Variants in PDE4D observed in about 807,000 individuals in gnomAD.
PDE4D encodes the protein 3',5'-cyclic-AMP phosphodiesterase 4D.
Under a neutral mutation model 87.4 loss-of-function variants are expected in PDE4D, and 24 were observed. That is an observed-to-expected ratio of 0.27 (90% confidence interval 0.20 to 0.39). The LOEUF (loss-of-function observed/expected upper bound fraction) is 0.39, where lower values mean the gene tolerates loss of function less well. Among genes scored for constraint, PDE4D ranks in the 10% least tolerant of loss-of-function variants. PDE4D has a pLI of 1.00. For missense variants in PDE4D, 714 were observed against 1,041.0 expected, an observed-to-expected ratio of 0.69 and a Z score of 4.32; for synonymous variants, 384 against 383.2, an observed-to-expected ratio of 1.00 and a Z score of -0.02.
At chr5:59,907,700 G>A (rs756251127) in intron 3 of PDE4D, among the ~76,000 whole-genome samples, 24 of 152,092 alleles carry the variant, frequency 1.6e-4, no homozygotes, top group Non-Finnish European at 2.4e-4. Flanking sequence ...ATCTTTGAGC[G>A]AAAAATGAGT....
At chr5:59,722,529 C>T (rs890747057) in intron 1 of PDE4D, among the ~76,000 whole-genome samples, 1 of 152,094 alleles carries the variant, frequency 6.6e-6, no homozygotes, top group African/African-American at 2.4e-5. Flanking sequence ...TAATTCTTTC[C>T]ATGTTCCTAT....
Position 59,343,964 on chromosome 5 carries a change from ATGT to A in PDE4D, c.456-127999_456-127997del, listed in dbSNP as rs975852751. The stretch of plus-strand genomic sequence containing the variant: ...TACCATTTGAATGCAACCTAACAAA[ATGT>A]TGTGGTCTGAGACTTCATTTATGAT... On this transcript the variant is annotated intron_variant, in intron 1 of 14. Coordinates refer to ENST00000340635, the MANE Select transcript of PDE4D (RefSeq NM_001104631.2). Among the ~76,000 whole-genome samples, 9 of 152,256 alleles carry A rather than the reference ATGT, an allele frequency of 5.9e-5. No individual in the cohort carries two copies. In the East Asian group the frequency reaches 1.2e-3, roughly 20 times the overall value.
chr5:60,415,277 G>C (rs976862757), intron 1 of PDE4D, among the ~76,000 whole-genome samples: 6 of 152,248 alleles, frequency 3.9e-5, no homozygotes, highest in African/African-American at 1.4e-4. Flanking sequence ...CACCTATTAA[G>C]AGGTGACAGC....
At chr5:60,369,346 T>A (rs1760818396) in intron 1 of PDE4D, among the ~76,000 whole-genome samples, 2 of 151,810 alleles carry the variant, frequency 1.3e-5, no homozygotes, top group African/African-American at 4.8e-5. Flanking sequence ...GAACAAGGGG[T>A]ACCATTAGCA....
At chr5:60,226,684 T>C (rs1198595765) in intron 1 of PDE4D, among the ~76,000 whole-genome samples, 1 of 152,078 alleles carries the variant, frequency 6.6e-6, no homozygotes, top group African/African-American at 2.4e-5. Flanking sequence ...GAGTTAAGGC[T>C]ACCCTAAACT....
intron 1 of PDE4D, among the ~76,000 whole-genome samples, chr5:59,277,978 T>A (rs758821473): frequency 6.6e-6 from 1 of 152,164 alleles, no homozygotes; most frequent in Non-Finnish European, 1.5e-5. Context: ...AAGTGGGGAA[T>A]CTGACAATGT....
intron 1 of PDE4D, among the ~76,000 whole-genome samples, chr5:60,197,222 A>G (rs1262737411): frequency 6.6e-6 from 1 of 151,516 alleles, no homozygotes; most frequent in Non-Finnish European, 1.5e-5. Flanking sequence ...ATCCTGCATT[A>G]TATTATGTAT....
intron 6 of PDE4D, among the ~76,000 whole-genome samples, chr5:59,038,639 A>G (rs1307826668): frequency 6.6e-6 from 1 of 152,202 alleles, no homozygotes; most frequent in African/African-American, 2.4e-5. Flanking sequence ...GGAGATACTT[A>G]AATTTAGCAC....
intron 3 of PDE4D, among the ~76,000 whole-genome samples, chr5:59,954,170 G>A (rs952654839): frequency 1.3e-5 from 2 of 152,098 alleles, no homozygotes; most frequent in Admixed American, 6.5e-5. Flanking sequence ...GTGATCCACC[G>A]GCCTCGGTCT....
intron 5 of PDE4D, among the ~76,000 whole-genome samples, chr5:59,132,514 C>A (rs1263237607): frequency 2.0e-5 from 3 of 152,174 alleles, no homozygotes; most frequent in Non-Finnish European, 2.9e-5. Context: ...ATCCAGAGGA[C>A]CTTATTCAAT....
chr5:60,514,859 A>G (rs1461036804), intron 1 of PDE4D, among the ~76,000 whole-genome samples: 1 of 152,120 alleles, frequency 6.6e-6, no homozygotes, highest in East Asian at 1.9e-4. Flanking sequence ...AAGGGGGGGA[A>G]AACAAGAAAA....
chr5:59,404,073 CA>C (rs1473546454), intron 1 of PDE4D, among the ~76,000 whole-genome samples: 1 of 152,208 alleles, frequency 6.6e-6, no homozygotes, highest in Non-Finnish European at 1.5e-5. Flanking sequence ...CACACCTTTT[CA>C]TATGACTGTT....
chr5:59,878,910 T>G (rs1336044955), intron 1 of PDE4D, among the ~76,000 whole-genome samples: 1 of 138,706 alleles, frequency 7.2e-6, no homozygotes, highest in African/African-American at 2.8e-5. Flanking sequence ...TTTTTTTTTT[T>G]TTTTTTGAGA....
intron 3 of PDE4D, among the ~76,000 whole-genome samples, chr5:59,906,322 T>C (rs899228009): frequency 1.3e-5 from 2 of 152,176 alleles, no homozygotes; most frequent in Non-Finnish European, 2.9e-5. Context: ...TAGGAAACTA[T>C]GCTAGAGAAA....
intron 1 of PDE4D, among the ~76,000 whole-genome samples, chr5:59,259,800 T>C (rs924835227): frequency 6.6e-6 from 1 of 151,872 alleles, no homozygotes; most frequent in Admixed American, 6.6e-5. Context: ...CTCTCATATA[T>C]AATCAGAAAT....
At chr5:59,063,233 T>C (rs776314070) in intron 5 of PDE4D, 2 of 152,188 alleles carry the variant, frequency 1.3e-5, no homozygotes, top group African/African-American at 2.4e-5. Context: ...TGCTGATGAA[T>C]ACAGTGAACC....
chr5:59,189,450 T>G (rs1010893503), intron 3 of PDE4D, among the ~76,000 whole-genome samples: 3 of 152,134 alleles, frequency 2.0e-5, no homozygotes, highest in African/African-American at 7.2e-5. Context: ...TGGGTTTTCC[T>G]GTTTTCTCTT....
intron 2 of PDE4D, among the ~76,000 whole-genome samples, chr5:60,155,585 T>C (rs944722235): frequency 6.6e-6 from 1 of 152,182 alleles, no homozygotes; most frequent in Non-Finnish European, 1.5e-5. Context: ...TGAAATTCAC[T>C]TGACAGATAT....
At chr5:59,678,679 G>T (rs1748516076) in intron 1 of PDE4D, among the ~76,000 whole-genome samples, 1 of 152,042 alleles carries the variant, frequency 6.6e-6, no homozygotes, top group African/African-American at 2.4e-5. Context: ...TGGTCAGGCT[G>T]GTCTTAAATT....
Sources: gnomAD v4.1 joint callset for allele counts (sites outside exome capture counted in the v4.1 genomes callset) on GRCh38, gnomAD v4.1.1 for gene constraint, MANE v1.5 for transcripts, NCBI Gene and HGNC (gene_info 2026-07-23, HGNC 2026-07-21) for gene names.